Variants in TENT2 observed in about 807,000 individuals in gnomAD.
TENT2 encodes the protein poly(A) RNA polymerase GLD2.
In TENT2, 44 loss-of-function variants were observed where a neutral mutation model predicts 72.2. The ratio of observed to expected loss-of-function variants is 0.61; its 90% confidence interval spans 0.48 to 0.78. The LOEUF (loss-of-function observed/expected upper bound fraction) is 0.78, where lower values mean the gene tolerates loss of function less well. Ranked by LOEUF, TENT2 falls within the 30% of genes least tolerant of loss-of-function variation. TENT2 has a pLI of 0.00. For synonymous variants in TENT2, 212 were observed against 192.5 expected (o/e 1.10, Z -0.84); for missense variants, 541 against 569.6 (o/e 0.95, Z 0.51).
At position 79,687,408 on chromosome 5, in the gene TENT2, C is replaced by T. The variant is rs1238178736; in HGVS notation, c.*2135C>T. 1.3e-5 allele frequency among the ~76,000 whole-genome samples: 2 copies of T among 152,046 alleles called. No individual in the cohort carries two copies. The highest frequency in any genetic ancestry group is 2.9e-5 in the Non-Finnish European group (2 of 67,982). On this transcript the variant is annotated 3_prime_UTR_variant, in exon 15 of 15. Coordinates refer to ENST00000453514, the MANE Select transcript of TENT2 (RefSeq NM_001114394.3). ...ATTGAGGGATTGATTCCAGGTCAAC[C>T]CCGTCCTCTTCAGATACCAAAATCC...
intron 12 of TENT2, among the ~76,000 whole-genome samples, chr5:79,672,461 C>A (rs777185479): frequency 8.5e-5 from 13 of 152,204 alleles, no homozygotes; most frequent in Non-Finnish European, 1.8e-4. Flanking sequence ...CTCTCCCTGC[C>A]ACTGCCCTTC....
In TENT2 at chr5:79,638,657, GAC is replaced by G. The variant is rs1276448501; in HGVS notation, c.466-2193_466-2192del. Among the ~76,000 whole-genome samples the G allele has an allele frequency of 3.3e-5, 5 of 152,278 alleles. No homozygotes were observed. The East Asian group carries it at 5.8e-4, about 18-fold the overall frequency. On this transcript the variant is annotated intron_variant, in intron 4 of 14. Transcript: ENST00000453514. ...TGATTTCTGCATGTTCTGCTTTTAA[GAC>G]TGTTTCAAATCCCATTCCCTTTTTT...
intron 1 of TENT2, among the ~76,000 whole-genome samples, chr5:79,619,401 C>G (rs537121623): frequency 6.6e-6 from 1 of 152,200 alleles, no homozygotes; most frequent in East Asian, 1.9e-4. Context: ...GTGCATATAT[C>G]TTGCTGTTTG....
intron 1 of TENT2, among the ~76,000 whole-genome samples, chr5:79,618,228 GTTTATTTTATT>G (rs1761967719): frequency 6.6e-6 from 1 of 152,018 alleles, no homozygotes; most frequent in Non-Finnish European, 1.5e-5. Flanking sequence ...CCCAGAGCCT[GTTTATTTTATT>G]TTTGTGAGAT....
intron 1 of TENT2, among the ~76,000 whole-genome samples, chr5:79,617,231 T>C (rs1760978724): frequency 1.3e-5 from 2 of 151,622 alleles, no homozygotes; most frequent in African/African-American, 4.8e-5. Flanking sequence ...TCATCCTCCA[T>C]ATAAAACTTG....
intron 4 of TENT2, among the ~76,000 whole-genome samples, chr5:79,637,560 G>A (rs1781097239): frequency 2.6e-5 from 4 of 152,104 alleles, no homozygotes; most frequent in Admixed American, 1.3e-4. Flanking sequence ...CCTAGTAGCT[G>A]AGACGACAGG....
At chr5:79,630,364 G>C (rs907946097) in intron 4 of TENT2, among the ~76,000 whole-genome samples, 4 of 152,112 alleles carry the variant, frequency 2.6e-5, no homozygotes, top group Non-Finnish European at 5.9e-5. Context: ...AGGCCAAGGT[G>C]GGTGGATCGC....
intron 1 of TENT2, among the ~76,000 whole-genome samples, chr5:79,618,696 A>G (rs1341631136): frequency 6.6e-6 from 1 of 152,072 alleles, no homozygotes; most frequent in African/African-American, 2.4e-5. Flanking sequence ...AAGTGAGAAT[A>G]TCAGGAGTCT....
intron 12 of TENT2, among the ~76,000 whole-genome samples, chr5:79,677,081 A>G (rs1199574948): frequency 1.3e-5 from 2 of 152,174 alleles, no homozygotes; most frequent in Non-Finnish European, 2.9e-5. Context: ...ATATAACTAA[A>G]TCTACCTTTA....
chr5:79,612,655 C>CACT lies in TENT2; in HGVS notation c.-455_-453dup, dbSNP rs1443000997. 2 of 152,940 alleles carry CACT rather than the reference C, an allele frequency of 1.3e-5. No individual in the cohort carries two copies. Among genetic ancestry groups the CACT allele is most frequent in the East Asian group, 3.9e-4 (2 of 5,180 alleles). 9.5% of individuals were successfully genotyped at this position (152,940 alleles called of 1,614,324 possible). A position where few individuals can be genotyped will look rare whatever the true frequency, so the allele number is the denominator to read the frequency against. On this transcript the variant is annotated 5_prime_UTR_variant, in exon 1 of 15. Transcript: ENST00000453514. The stretch of plus-strand genomic sequence containing the variant: ...TGGGCCTAGCTGTCCCACGGGCCAC[C>CACT]ACTACCTCCTTTGGTTCGGGAGAAA...
In TENT2 at chr5:79,679,745, G is replaced by A. The variant is rs1355078350; in HGVS notation, c.1300+75G>A. The A allele has an allele frequency of 4.7e-5, 38 of 810,424 alleles. 1 individual carries two copies. The Admixed American group carries it at 7.9e-4, about 17-fold the overall frequency. 50.2% of individuals were successfully genotyped at this position (810,424 alleles called of 1,614,324 possible). On this transcript the variant is annotated intron_variant, in intron 13 of 14. Coordinates refer to ENST00000453514, the MANE Select transcript of TENT2 (RefSeq NM_001114394.3). ...CTTGAGTAATTTCAGCTGTGTTTCAGTTAAAAGTAATACATTTATGTCTGA... is the reference window on the plus strand; with the variant it reads ...CTTGAGTAATTTCAGCTGTGTTTCAATTAAAAGTAATACATTTATGTCTGA...
At chr5:79,665,066 A>G (rs547069146) in intron 11 of TENT2, among the ~76,000 whole-genome samples, 2 of 152,336 alleles carry the variant, frequency 1.3e-5, no homozygotes, top group African/African-American at 4.8e-5. Context: ...AATCTTTAAC[A>G]TACATCACCA....
intron 10 of TENT2, among the ~76,000 whole-genome samples, chr5:79,654,422 ACT>A (rs1465656469): frequency 3.3e-5 from 5 of 151,426 alleles, no homozygotes; most frequent in East Asian, 3.9e-4. Context: ...CAAGAGCGAA[ACT>A]CTGTCTCAAA....
chr5:79,633,273 C>T (rs1212424300), intron 4 of TENT2, among the ~76,000 whole-genome samples: 3 of 151,982 alleles, frequency 2.0e-5, no homozygotes, highest in African/African-American at 7.2e-5. Flanking sequence ...GTTTTTATTG[C>T]AATGTTTATA....
At chr5:79,614,167 T>C (rs1313649648) in intron 1 of TENT2, 1 of 140,038 alleles carries the variant, frequency 7.1e-6, no homozygotes, top group Non-Finnish European at 1.5e-5. Context: ...GCAATGGCAC[T>C]ATCTTGGCTC....
chr5:79,685,102 A>C (rs986831309), intron 14 of TENT2, 97 bp from the exon 15 acceptor site: 8 of 950,504 alleles, frequency 8.4e-6, no homozygotes, highest in Non-Finnish European at 1.3e-5. Context: ...AAAATTTATC[A>C]CCTAGAGAGA....
chr5:79,658,280 A>G (rs778547711), intron 11 of TENT2, among the ~76,000 whole-genome samples: 3 of 152,170 alleles, frequency 2.0e-5, no homozygotes, highest in Non-Finnish European at 2.9e-5. Context: ...CTTAAACATT[A>G]TGAAAAATGA....
At chr5:79,616,094 C>T (rs1437614988) in intron 1 of TENT2, among the ~76,000 whole-genome samples, 1 of 151,762 alleles carries the variant, frequency 6.6e-6, no homozygotes, top group East Asian at 1.9e-4. Flanking sequence ...GCCGTGTTGG[C>T]CAGGCTGGTC....
intron 11 of TENT2, among the ~76,000 whole-genome samples, chr5:79,659,469 T>G (rs1245214004): frequency 7.2e-6 from 1 of 139,830 alleles, no homozygotes; most frequent in East Asian, 2.1e-4. Context: ...GAGGCGGAGG[T>G]TGCAGTGAGC....
Sources: gnomAD v4.1 joint callset for allele counts (sites outside exome capture counted in the v4.1 genomes callset) on GRCh38, gnomAD v4.1.1 for gene constraint, MANE v1.5 for transcripts, NCBI Gene and HGNC (gene_info 2026-07-23, HGNC 2026-07-21) for gene names.